INTS3: variants seen among roughly 807,000 people sequenced by gnomAD.
The protein encoded by INTS3 is SOSS complex subunit A.
Under a neutral mutation model 146.3 loss-of-function variants are expected in INTS3, and 34 were observed. The observed-to-expected ratio is 0.23, with a 90% CI of 0.18 to 0.31. The LOEUF (loss-of-function observed/expected upper bound fraction) is 0.31. Among genes scored for constraint, INTS3 ranks in the 10% least tolerant of loss-of-function variants. The pLI, the probability that INTS3 is intolerant of heterozygous loss-of-function variation, is 1.00. For synonymous variants in INTS3, 475 were observed against 494.9 expected, an observed-to-expected ratio of 0.96 and a Z score of 0.53; for missense variants, 757 against 1,304.2, an observed-to-expected ratio of 0.58 and a Z score of 6.46.
chr1:153,761,542 A>G (rs773031760), intron 13 of INTS3, 28 bp from the exon 14 acceptor site: 219 of 1,457,396 alleles, frequency 1.5e-4, no homozygotes, highest in Non-Finnish European at 1.9e-4. Flanking sequence ...AAGCTCTGAT[A>G]TTGACCTTCA....
At chr1:153,771,765 A>T in intron 25 of INTS3, 31 bp from the exon 26 acceptor site, 1 of 1,596,714 alleles carries the variant, frequency 6.3e-7, no homozygotes, top group Non-Finnish European at 8.5e-7. Context: ...CCACTGTGCA[A>T]GCAGCACCCA....
At position 153,772,590 on chromosome 1, in the gene INTS3, C is replaced by T; in HGVS notation, c.2822-49C>T. 1 of 1,613,624 alleles carries T rather than the reference C, an allele frequency of 6.2e-7. No individual in the cohort carries two copies. The highest frequency in any genetic ancestry group is 1.3e-5 in the African/African-American group (1 of 75,030). On this transcript the variant is annotated intron_variant, in intron 27 of 29. Coordinates refer to ENST00000318967, the MANE Select transcript of INTS3 (RefSeq NM_023015.5). This position sits in a 1 kb window ranked among gnomAD's most constrained non-coding sequence, Gnocchi z 4.6. ...CTGTGCGTGCTGTTTAATAAGCTCCCAGACATCTGATTGTTTTTCCTTCCC... is the reference window on the plus strand; with the variant it reads ...CTGTGCGTGCTGTTTAATAAGCTCCTAGACATCTGATTGTTTTTCCTTCCC...
intron 3 of INTS3, 72 bp from the exon 4 acceptor site, chr1:153,746,885 G>T: frequency 1.2e-6 from 1 of 833,748 alleles, no homozygotes. Flanking sequence ...TAGAGGGCAA[G>T]GGGTCCACTG....
rs917087756 is a variant in INTS3 at position 153,763,082 on chromosome 1, A to G, written c.1637-151A>G. The G allele has an allele frequency of 1.4e-5, 16 of 1,104,230 alleles. No individual in the cohort carries two copies. The Admixed American group carries it at 2.9e-4, about 20-fold the overall frequency. The allele number at this position is 1,104,230 out of a possible 1,614,324, so 68.4% of individuals were successfully genotyped here. ...TGCTTGTAAGAGCTAGTACATGTGC[A>G]CAGTCAGGGAGATGCTTCAGGCACT... On this transcript the variant is annotated intron_variant, in intron 15 of 29. Coordinates refer to ENST00000318967, the MANE Select transcript of INTS3 (RefSeq NM_023015.5).
rs376094276 is a variant in INTS3 at position 153,764,686 on chromosome 1, G to A, written c.1926-4G>A. ...GATTCTCAAATATAACCCTCTTCTT[G>A]TAGGTCCCTGGAGGAGTCTGTAGGA... is the stretch of plus-strand genomic sequence containing the variant. On this transcript the variant is annotated splice_region_variant and splice_polypyrimidine_tract_variant and intron_variant, in intron 18 of 29. Coordinates refer to ENST00000318967, the MANE Select transcript of INTS3 (RefSeq NM_023015.5). The A allele has an allele frequency of 3.7e-6, 6 of 1,605,100 alleles. No homozygotes were observed. The highest frequency in any genetic ancestry group is 5.1e-6 in the Non-Finnish European group (6 of 1,171,856).
At chr1:153,729,989 C>T (rs1039521855) in intron 1 of INTS3, among the ~76,000 whole-genome samples, 1 of 152,152 alleles carries the variant, frequency 6.6e-6, no homozygotes, top group African/African-American at 2.4e-5. Flanking sequence ...CAGGCCTTAG[C>T]TCTTCACTGG....
At position 153,773,379 on chromosome 1, in the gene INTS3, C is replaced by T; in HGVS notation, c.*109C>T. 9.8e-7 allele frequency: 1 copy of T among 1,023,214 alleles called. No individual in the cohort carries two copies. Among genetic ancestry groups the T allele is most frequent in the East Asian group, 2.4e-5 (1 of 41,158 alleles). 63.4% of individuals were successfully genotyped at this position (1,023,214 alleles called of 1,614,324 possible). ...GCAGGGGAAACACCCTTGCTGCATC[C>T]CCAAGCTCCCCCGGTGGAAGGAGGA... is the stretch of plus-strand genomic sequence containing the variant. On this transcript the variant is annotated 3_prime_UTR_variant, in exon 30 of 30. Transcript: ENST00000318967.
chr1:153,764,351 C>T, intron 18 of INTS3, 130 bp downstream of exon 18: 1 of 675,060 alleles, frequency 1.5e-6, no homozygotes, highest in Non-Finnish European at 2.7e-6. Context: ...CTCACATGTA[C>T]CAACTCATTT....
chr1:153,763,963 C>G (rs1452534630), intron 17 of INTS3, 77 bp downstream of exon 17: 24 of 1,420,946 alleles, frequency 1.7e-5, no homozygotes, highest in Non-Finnish European at 2.2e-5. Context: ...GAAGACAACT[C>G]ACTTTTTCCC....
intron 1 of INTS3, among the ~76,000 whole-genome samples, chr1:153,736,581 G>C (rs1428435352): frequency 1.3e-5 from 2 of 151,334 alleles, no homozygotes; most frequent in African/African-American, 4.9e-5. Context: ...CGAGTAGCTG[G>C]GATTACAGGC....
intron 8 of INTS3, among the ~76,000 whole-genome samples, chr1:153,753,325 G>A (rs142034997): frequency 3.3e-5 from 5 of 151,966 alleles, no homozygotes; most frequent in Non-Finnish European, 7.4e-5. Context: ...TTGGGAGGCC[G>A]AGGCGGGCGG....
At chr1:153,770,944 G>C (rs1337522891) in intron 25 of INTS3, among the ~76,000 whole-genome samples, 3 of 152,140 alleles carry the variant, frequency 2.0e-5, no homozygotes, top group Non-Finnish European at 2.9e-5. Flanking sequence ...CCCACCAGGA[G>C]CTGCCCTCGG....
In INTS3 at chr1:153,757,442, T is replaced by C; in HGVS notation, c.958-130T>C. 2 of 694,058 alleles carry C rather than the reference T, an allele frequency of 2.9e-6. No individual in the cohort carries two copies. The highest frequency in any genetic ancestry group is 4.9e-6 in the Non-Finnish European group (2 of 406,786). The allele number at this position is 694,058 out of a possible 1,614,324, so 43.0% of individuals were successfully genotyped here. ...AGGAGGGGAGACTTACGAGACAGTATGAGCTAATGAATGAATTGTGGAGAA... is the reference window on the plus strand; with the variant it reads ...AGGAGGGGAGACTTACGAGACAGTACGAGCTAATGAATGAATTGTGGAGAA... On this transcript the variant is annotated intron_variant, in intron 9 of 29. Transcript: ENST00000318967. This position sits in a 1 kb window ranked among gnomAD's most constrained non-coding sequence, Gnocchi z 4.0.
rs370230103 is a variant in INTS3 at position 153,741,748 on chromosome 1, G to A, written c.318+380G>A. On this transcript the variant is annotated intron_variant, in intron 3 of 29. Coordinates refer to ENST00000318967, the MANE Select transcript of INTS3 (RefSeq NM_023015.5). ...AGTTTGCAGATTCTGCCATTGGCAG[G>A]TGAATAGAAAGCAGGCTTAAAATTT... Among the ~76,000 whole-genome samples the A allele has an allele frequency of 3.3e-3, 503 of 152,360 alleles. 3 individuals carry two copies. The highest frequency in any genetic ancestry group is 0.01 in the African/African-American group (425 of 41,578).
intron 1 of INTS3, among the ~76,000 whole-genome samples, chr1:153,731,900 A>ATT (rs1671078429): frequency 1.2e-5 from 1 of 83,494 alleles, no homozygotes; most frequent in Admixed American, 1.3e-4. Context: ...TCTTTTTTTA[A>ATT]CTTTTTTTTT....
At chr1:153,768,099 C>T (rs1289896127) in intron 21 of INTS3, among the ~76,000 whole-genome samples, 2 of 152,202 alleles carry the variant, frequency 1.3e-5, no homozygotes, top group African/African-American at 4.8e-5. Context: ...TGGGCCCCAT[C>T]ATCTGGACCC....
Position 153,772,273 on chromosome 1 carries a change from G to T in INTS3, c.2721-67G>T. On this transcript the variant is annotated intron_variant, in intron 26 of 29. Coordinates refer to ENST00000318967, the MANE Select transcript of INTS3 (RefSeq NM_023015.5). This position sits in a 1 kb window ranked among gnomAD's most constrained non-coding sequence, Gnocchi z 4.6. ...CTCTGTCTTAAGGGGGCCCTGGCGGGTGGAGGGTGTCTCGCACTCTGGAAC... is the reference window on the plus strand; with the variant it reads ...CTCTGTCTTAAGGGGGCCCTGGCGGTTGGAGGGTGTCTCGCACTCTGGAAC... The T allele has an allele frequency of 1.3e-6, 2 of 1,550,864 alleles. No homozygotes were observed. The highest frequency in any genetic ancestry group is 8.8e-7 in the Non-Finnish European group (1 of 1,135,916).
At chr1:153,737,429 G>T (rs187531264) in intron 1 of INTS3, among the ~76,000 whole-genome samples, 5 of 152,190 alleles carry the variant, frequency 3.3e-5, no homozygotes, top group Non-Finnish European at 7.3e-5. Flanking sequence ...ACATGACATG[G>T]TGGAGTTGAA....
intron 20 of INTS3, chr1:153,767,449 T>C: frequency 4.4e-6 from 2 of 452,164 alleles, no homozygotes; most frequent in Non-Finnish European, 7.8e-6. Flanking sequence ...TGATCGTGGT[T>C]GGAGCCCTTT....
Sources: allele counts gnomAD v4.1 joint callset (sites outside exome capture counted in the v4.1 genomes callset), GRCh38; gene constraint gnomAD v4.1.1; non-coding constraint Gnocchi (gnomAD v3.1); transcripts MANE v1.5; gene names NCBI Gene and HGNC (gene_info 2026-07-23, HGNC 2026-07-21).